The following ACER2 variants were observed in gnomAD, a reference collection of about 807,000 sequenced individuals.
ACER2 encodes the protein alkaline ceramidase 2.
ACER2 carries 26 observed loss-of-function variants against 34.7 expected under a neutral mutation model. That is an observed-to-expected ratio of 0.75 (90% confidence interval 0.55 to 1.04). ACER2 has a LOEUF of 1.04. ACER2 is among the 50% of genes least tolerant of loss of function. ACER2 has a pLI of 0.00. For missense variants in ACER2, 352 were observed against 340.8 expected, an observed-to-expected ratio of 1.03 and a Z score of -0.26; for synonymous variants, 138 against 132.1, an observed-to-expected ratio of 1.04 and a Z score of -0.31.
chr9:19,423,588 C>T (rs781654243), intron 1 of ACER2, among the ~76,000 whole-genome samples: 9 of 152,184 alleles, frequency 5.9e-5, no homozygotes, highest in Admixed American at 1.3e-4. Context: ...GTAATCCCAG[C>T]TACTCAGGAG....
chr9:19,435,122 CG>C, intron 4 of ACER2, 38 bp downstream of exon 4: 1 of 1,610,844 alleles, frequency 6.2e-7, no homozygotes, highest in East Asian at 2.2e-5. Flanking sequence ...TAGCTGTCCC[CG>C]TGCTGGGAAC....
intron 3 of ACER2, among the ~76,000 whole-genome samples, chr9:19,433,467 G>A (rs921604420): frequency 3.9e-5 from 6 of 151,980 alleles, no homozygotes; most frequent in African/African-American, 1.2e-4. Context: ...GCACAGGGTT[G>A]GGGGTAAGGT....
At chr9:19,436,679 G>A (rs1159515745) in intron 4 of ACER2, among the ~76,000 whole-genome samples, 5 of 152,048 alleles carry the variant, frequency 3.3e-5, no homozygotes, top group Non-Finnish European at 7.4e-5. Flanking sequence ...CTAGGTCCTC[G>A]TTTTAAATGG....
intron 1 of ACER2, among the ~76,000 whole-genome samples, chr9:19,412,093 A>G (rs1271825675): frequency 6.6e-6 from 1 of 152,224 alleles, no homozygotes; most frequent in Non-Finnish European, 1.5e-5. Flanking sequence ...TCTATTTGGC[A>G]TAGAATAGAT....
At position 19,409,063 on chromosome 9, in the gene ACER2, G is replaced by C. The variant is rs969339144; in HGVS notation, c.-22G>C. 6.4e-7 allele frequency: 1 copy of C among 1,555,692 alleles called. No individual in the cohort carries two copies. The highest frequency in any genetic ancestry group is 8.7e-7 in the Non-Finnish European group (1 of 1,150,906). ...GCTCTTCTCAGCTGCGCGAGCAGCT[G>C]CTCCAATGCCCCGGAGTGGCCATGG... is the stretch of plus-strand genomic sequence containing the variant. On this transcript the variant is annotated 5_prime_UTR_variant, in exon 1 of 6. Coordinates refer to ENST00000340967, the MANE Select transcript of ACER2 (RefSeq NM_001010887.3).
At position 19,410,771 on chromosome 9, in the gene ACER2, G is replaced by C. The variant is rs186021057; in HGVS notation, c.108+1579G>C. Among the ~76,000 whole-genome samples, 8 of 152,306 alleles carry C rather than the reference G, an allele frequency of 5.3e-5. No individual in the cohort carries two copies. The East Asian group carries it at 1.5e-3, about 29-fold the overall frequency. ...TGGAAGTGGCCATGACTTATGTATT[G>C]CATAACCTCCCAGAGCATGCTGTCA... On this transcript the variant is annotated intron_variant, in intron 1 of 5. Transcript: ENST00000340967.
At position 19,451,553 on chromosome 9, in the gene ACER2, ATGAGCACAATTTTTAAATAC is replaced by A. The variant is rs1045353282; in HGVS notation, c.*941_*960del. 6 of 152,652 alleles carry A rather than the reference ATGAGCACAATTTTTAAATAC, an allele frequency of 3.9e-5. No homozygotes were observed. Among genetic ancestry groups the A allele is most frequent in the African/African-American group, 7.2e-5 (3 of 41,446 alleles). The allele number at this position is 152,652 out of a possible 1,614,324, so 9.5% of individuals were successfully genotyped here. On this transcript the variant is annotated 3_prime_UTR_variant, in exon 6 of 6. Coordinates refer to ENST00000340967, the MANE Select transcript of ACER2 (RefSeq NM_001010887.3). ...ACTCCACTTTAGGCCCTTCTTGAAG[ATGAGCACAATTTTTAAATAC>A]TGAGCACAATTTTTAAATACTGACA...
intron 1 of ACER2, among the ~76,000 whole-genome samples, chr9:19,422,998 C>T (rs1830450788): frequency 6.7e-6 from 1 of 149,014 alleles, no homozygotes; most frequent in African/African-American, 2.5e-5. Context: ...CACCAAAGAA[C>T]TCCAGCCTGG....
chr9:19,433,285 G>T (rs1456641815), intron 3 of ACER2, among the ~76,000 whole-genome samples: 4 of 151,654 alleles, frequency 2.6e-5, no homozygotes, highest in Non-Finnish European at 4.4e-5. Flanking sequence ...GGTTTTCCTA[G>T]GCAGAGGACC....
intron 4 of ACER2, among the ~76,000 whole-genome samples, chr9:19,444,194 CA>C (rs35885674): frequency 0.067 from 8,776 of 130,338 alleles, 358 homozygotes; most frequent in Non-Finnish European, 0.11. Flanking sequence ...AAGAAAGTCG[CA>C]AAAAAAAAAA....
chr9:19,428,054 TTTCCTTTC>T (rs1830632321), intron 3 of ACER2, among the ~76,000 whole-genome samples: 1 of 139,254 alleles, frequency 7.2e-6, no homozygotes, highest in Non-Finnish European at 1.6e-5. Flanking sequence ...TTTCCTTTCC[TTTCCTTTC>T]CTTTCCTTTC....
chr9:19,446,043 G>C (rs1831346118), intron 4 of ACER2: 1 of 689,816 alleles, frequency 1.4e-6, no homozygotes, highest in Non-Finnish European at 2.6e-6. Context: ...AAATGTAGTT[G>C]GGTGTATGAG....
At chr9:19,432,247 T>A (rs938971212) in intron 3 of ACER2, among the ~76,000 whole-genome samples, 116 of 152,352 alleles carry the variant, frequency 7.6e-4, no homozygotes, top group African/African-American at 2.7e-3. Context: ...ATATAGACTA[T>A]TTTTTCTTAG....
At chr9:19,444,032 G>A (rs913626233) in intron 4 of ACER2, among the ~76,000 whole-genome samples, 2 of 151,996 alleles carry the variant, frequency 1.3e-5, no homozygotes, top group African/African-American at 4.8e-5. Flanking sequence ...AAGGAACATG[G>A]CAGGGTGCCC....
At chr9:19,435,971 C>T (rs1450979398) in intron 4 of ACER2, among the ~76,000 whole-genome samples, 1 of 152,084 alleles carries the variant, frequency 6.6e-6, no homozygotes, top group Non-Finnish European at 1.5e-5. Context: ...ATGGTGTGAA[C>T]CCGGGAGGCG....
At chr9:19,415,351 G>A (rs1311086902) in intron 1 of ACER2, among the ~76,000 whole-genome samples, 1 of 151,946 alleles carries the variant, frequency 6.6e-6, no homozygotes, top group Non-Finnish European at 1.5e-5. Context: ...AATTAGATGG[G>A]CATGATGGCA....
intron 5 of ACER2, among the ~76,000 whole-genome samples, chr9:19,449,609 C>A (rs539500349): frequency 6.6e-6 from 1 of 152,078 alleles, no homozygotes; most frequent in African/African-American, 2.4e-5. Flanking sequence ...TTGGGCTGGG[C>A]GCAGTGGCTT....
intron 4 of ACER2, among the ~76,000 whole-genome samples, chr9:19,439,456 C>T (rs1000536111): frequency 1.2e-4 from 18 of 151,720 alleles, no homozygotes; most frequent in Middle Eastern, 6.9e-3. Context: ...TCTCCTGCTT[C>T]AGCCTCCCCA....
chr9:19,422,754 G>A (rs1266868009), intron 1 of ACER2, among the ~76,000 whole-genome samples: 1 of 151,982 alleles, frequency 6.6e-6, no homozygotes, highest in African/African-American at 2.4e-5. Context: ...AAAGCAGGCG[G>A]GCGCAGTGGC....
Sources: allele counts gnomAD v4.1 joint callset (sites outside exome capture counted in the v4.1 genomes callset), GRCh38; gene constraint gnomAD v4.1.1; transcripts MANE v1.5; gene names NCBI Gene and HGNC (gene_info 2026-07-23, HGNC 2026-07-21).